The following LIN28B variants were observed in gnomAD, a reference collection of about 807,000 sequenced individuals.
The protein encoded by LIN28B is protein lin-28 homolog B.
In LIN28B, 5 loss-of-function variants were observed where a neutral mutation model predicts 21.9. The ratio of observed to expected loss-of-function variants is 0.23; its 90% CI spans 0.12 to 0.48. LIN28B has a LOEUF of 0.48. Ranked by LOEUF, LIN28B falls within the 20% of genes least tolerant of loss-of-function variation. The probability of loss-of-function intolerance (pLI) is 0.98; values close to 1 mark genes in which losing one functional copy is unlikely to be tolerated. For synonymous variants in LIN28B, 109 were observed against 111.3 expected, an observed-to-expected ratio of 0.98 and a Z score of 0.13; for missense variants, 245 against 310.5, an observed-to-expected ratio of 0.79 and a Z score of 1.58.
intron 3 of LIN28B, among the ~76,000 whole-genome samples, chr6:105,037,581 T>C (rs1408091213): frequency 6.7e-6 from 1 of 150,154 alleles, no homozygotes; most frequent in African/African-American, 2.4e-5. Flanking sequence ...GGTGCAGTCT[T>C]GGCTTACTGC....
intron 2 of LIN28B, among the ~76,000 whole-genome samples, chr6:104,938,649 A>G (rs1726329813): frequency 6.6e-6 from 1 of 151,894 alleles, no homozygotes; most frequent in South Asian, 2.1e-4. Context: ...AAGAAAAAAA[A>G]AAAAACCTGA....
intron 3 of LIN28B, among the ~76,000 whole-genome samples, chr6:105,033,102 T>G (rs1407091924): frequency 6.6e-6 from 1 of 152,166 alleles, no homozygotes; most frequent in Admixed American, 6.5e-5. Context: ...CCATTTAGAG[T>G]TAGTTTTTAT....
chr6:105,028,919 C>G (rs1203824926), intron 3 of LIN28B, among the ~76,000 whole-genome samples: 2 of 152,044 alleles, frequency 1.3e-5, no homozygotes, highest in African/African-American at 2.4e-5. Context: ...GAGGGAGGAA[C>G]AGCAAAGGGC....
At chr6:104,954,440 C>T (rs570766115), upstream of LIN28B, among the ~76,000 whole-genome samples, 3 of 152,316 alleles carry the variant, frequency 2.0e-5, no homozygotes, top group African/African-American at 7.2e-5. Context: ...TTTTGTGTTT[C>T]TCAATGTGTC....
intron 3 of LIN28B, among the ~76,000 whole-genome samples, chr6:105,042,515 T>A (rs2114368190): frequency 6.6e-6 from 1 of 152,330 alleles, no homozygotes; most frequent in Non-Finnish European, 1.5e-5. Flanking sequence ...TAAAGTTTCA[T>A]GTCTTTTCTC....
At chr6:104,985,928 C>T (rs1447826957) in intron 2 of LIN28B, among the ~76,000 whole-genome samples, 1 of 152,076 alleles carries the variant, frequency 6.6e-6, no homozygotes, top group African/African-American at 2.4e-5. Flanking sequence ...TACACTGGAA[C>T]CTTTGTCATA....
intron 3 of LIN28B, among the ~76,000 whole-genome samples, chr6:105,071,520 G>A (rs1436653078): frequency 4.6e-5 from 7 of 152,134 alleles, no homozygotes; most frequent in African/African-American, 1.7e-4. Flanking sequence ...GGACAATGCT[G>A]TTGTTAATAT....
chr6:105,044,754 A>C lies in LIN28B; in HGVS notation c.383+18272A>C, dbSNP rs371575652. Among the ~76,000 whole-genome samples the C allele has an allele frequency of 1.5e-4, 23 of 152,332 alleles. No individual in the cohort carries two copies. The East Asian group carries it at 3.3e-3, about 22-fold the overall frequency. On this transcript the variant is annotated intron_variant, in intron 3 of 3. Coordinates refer to ENST00000345080, the MANE Select transcript of LIN28B (RefSeq NM_001004317.4). ...AGGGGTACAAGTGGCTTTTGGTTAC[A>C]TGGATGAATTGTAAAGTAGTGAAGC...
intron 3 of LIN28B, among the ~76,000 whole-genome samples, chr6:105,030,592 C>CTTTTTTT (rs980799980): frequency 7.4e-4 from 79 of 106,556 alleles, no homozygotes; most frequent in Admixed American, 9.4e-4. Flanking sequence ...TTCTTTCTTT[C>CTTTTTTT]TTTTTTTTTT....
At chr6:105,013,510 G>A (rs1219602801) in intron 2 of LIN28B, among the ~76,000 whole-genome samples, 1 of 151,922 alleles carries the variant, frequency 6.6e-6, no homozygotes, top group Non-Finnish European at 1.5e-5. Flanking sequence ...GGTTGAGGCA[G>A]GAGGATTGCT....
intron 3 of LIN28B, among the ~76,000 whole-genome samples, chr6:105,042,161 G>C (rs1284019985): frequency 6.6e-6 from 1 of 152,110 alleles, no homozygotes; most frequent in East Asian, 1.9e-4. Context: ...ATTAAAAGTA[G>C]GGGAAAGAGG....
intron 2 of LIN28B, among the ~76,000 whole-genome samples, chr6:104,992,484 TTGTGTGTGTGTG>T (rs752464999): frequency 1.5e-5 from 2 of 136,028 alleles, no homozygotes; most frequent in Non-Finnish European, 3.1e-5. Context: ...TAAGTTTCTG[TTGTGTGTGTGTG>T]TGTGTGTGTG....
At chr6:104,955,597 G>T (rs543475119), upstream of LIN28B, among the ~76,000 whole-genome samples, 1 of 151,626 alleles carries the variant, frequency 6.6e-6, no homozygotes, top group Non-Finnish European at 1.5e-5. Flanking sequence ...ATAGCTCTTC[G>T]ATTCATAATC....
At chr6:105,030,839 G>T (rs979585906) in intron 3 of LIN28B, among the ~76,000 whole-genome samples, 5 of 151,682 alleles carry the variant, frequency 3.3e-5, no homozygotes, top group African/African-American at 1.2e-4. Context: ...CAGGTGATTC[G>T]CCTGCCTCAG....
At position 105,078,812 on chromosome 6, in the gene LIN28B, AC is replaced by A. The variant is rs1474154973; in HGVS notation, c.*32del. The A allele has an allele frequency of 6.3e-7, 1 of 1,589,316 alleles. No individual in the cohort carries two copies. Among genetic ancestry groups the A allele is most frequent in the East Asian group, 2.2e-5 (1 of 44,494 alleles). On this transcript the variant is annotated 3_prime_UTR_variant, in exon 4 of 4. Coordinates refer to ENST00000345080, the MANE Select transcript of LIN28B (RefSeq NM_001004317.4). ...GTCTTCTTCATATGTTCTTTCCTTT[AC>A]CCGGTTGCAAAGTCTACCTCATGCA...
At chr6:104,965,945 G>A (rs1769847075) in intron 2 of LIN28B, among the ~76,000 whole-genome samples, 1 of 152,094 alleles carries the variant, frequency 6.6e-6, no homozygotes, top group South Asian at 2.1e-4. Context: ...AAAGATTCTG[G>A]TCAAATCAGT....
intron 2 of LIN28B, among the ~76,000 whole-genome samples, chr6:104,937,430 A>C (rs1456036624): frequency 6.6e-6 from 1 of 151,984 alleles, no homozygotes; most frequent in Non-Finnish European, 1.5e-5. Context: ...GCCCGCCACC[A>C]AGCCTGCCTG....
chr6:105,055,212 A>C (rs1771998968), intron 3 of LIN28B, among the ~76,000 whole-genome samples: 1 of 152,084 alleles, frequency 6.6e-6, no homozygotes, highest in South Asian at 2.1e-4. Flanking sequence ...AAACTGGGGA[A>C]ATTTTTGGCC....
chr6:105,034,045 A>G (rs1771475982), intron 3 of LIN28B, among the ~76,000 whole-genome samples: 1 of 151,898 alleles, frequency 6.6e-6, no homozygotes. Context: ...TTTACTCCTT[A>G]ATACTTGGTG....
Sources: allele counts gnomAD v4.1 joint callset (sites outside exome capture counted in the v4.1 genomes callset), GRCh38; gene constraint gnomAD v4.1.1; transcripts MANE v1.5; gene names NCBI Gene and HGNC (gene_info 2026-07-23, HGNC 2026-07-21).